The following MARCHF10 variants were observed in gnomAD, a reference collection of about 807,000 sequenced individuals.
MARCHF10 encodes the protein probable E3 ubiquitin-protein ligase MARCHF10.
In MARCHF10, 64 loss-of-function variants were observed where a neutral mutation model predicts 76.2. The observed-to-expected ratio is 0.84, with a 90% CI of 0.69 to 1.03. The LOEUF (loss-of-function observed/expected upper bound fraction) is 1.03, where lower values mean the gene tolerates loss of function less well. MARCHF10 is among the 50% of genes least tolerant of loss of function. The probability of loss-of-function intolerance (pLI) is 0.00; values close to 1 mark genes in which losing one functional copy is unlikely to be tolerated. For synonymous variants in MARCHF10, 340 were observed against 357.5 expected (o/e 0.95, Z 0.55); for missense variants, 875 against 958.0 (o/e 0.91, Z 1.14).
At position 62,762,691 on chromosome 17, in the gene MARCHF10, C is replaced by T. The variant is rs574943639; in HGVS notation, c.211-2685G>A. On this transcript the variant is annotated intron_variant, in intron 3 of 10. Coordinates refer to ENST00000311269, the MANE Select transcript of MARCHF10 (RefSeq NM_152598.4). Reference sequence around the variant, plus strand: ...CCTCCTGAGTAGCTGGGACTACAGGCACACGCACCATGCCTGGCTAATTTT... The same window carrying T: ...CCTCCTGAGTAGCTGGGACTACAGGTACACGCACCATGCCTGGCTAATTTT... Among the ~76,000 whole-genome samples, 16 of 152,286 alleles carry T rather than the reference C, an allele frequency of 1.1e-4. No individual in the cohort carries two copies. In the South Asian group the frequency reaches 2.1e-3, roughly 20 times the overall value.
At chr17:62,745,007 A>AAG (rs1209145301) in intron 4 of MARCHF10, among the ~76,000 whole-genome samples, 4 of 151,254 alleles carry the variant, frequency 2.6e-5, no homozygotes, top group Non-Finnish European at 5.9e-5. Context: ...CCATCTCAAA[A>AAG]AAAAAAAAAA....
intron 6 of MARCHF10, among the ~76,000 whole-genome samples, chr17:62,729,658 C>T (rs185667115): frequency 5.9e-5 from 9 of 151,606 alleles, no homozygotes; most frequent in Non-Finnish European, 1.3e-4. Flanking sequence ...ACTGTAGACT[C>T]GACCTTCTGG....
At chr17:62,740,981 T>C (rs756960833) in intron 5 of MARCHF10, among the ~76,000 whole-genome samples, 5 of 152,174 alleles carry the variant, frequency 3.3e-5, no homozygotes, top group Non-Finnish European at 7.3e-5. Flanking sequence ...ACATGTATAT[T>C]GTAGCTTACC....
At chr17:62,800,183 A>G (rs1487949433) in intron 2 of MARCHF10, among the ~76,000 whole-genome samples, 4 of 152,242 alleles carry the variant, frequency 2.6e-5, no homozygotes, top group Middle Eastern at 3.2e-3. Context: ...ATATTGGCTG[A>G]ATGAATGAAT....
chr17:62,705,620 C>T (rs2089537323), intron 9 of MARCHF10, 39 bp from the exon 10 acceptor site: 1 of 1,612,312 alleles, frequency 6.2e-7, no homozygotes. Context: ...ATTGTTTTTT[C>T]CAATACGATT....
chr17:62,789,016 T>C (rs1439882369), intron 2 of MARCHF10, among the ~76,000 whole-genome samples: 2 of 142,074 alleles, frequency 1.4e-5, no homozygotes, highest in Non-Finnish European at 3.0e-5. Context: ...TGAGCCGAGA[T>C]TGCGCCACTG....
intron 7 of MARCHF10, among the ~76,000 whole-genome samples, chr17:62,724,187 T>TTC (rs573511182): frequency 1.0e-4 from 5 of 48,260 alleles, no homozygotes; most frequent in African/African-American, 5.1e-4. Context: ...GTTCCATGCA[T>TTC]TTTTTTTTTT....
chr17:62,788,426 C>T, intron 3 of MARCHF10, 54 bp downstream of exon 3: 10 of 1,607,818 alleles, frequency 6.2e-6, no homozygotes, highest in Non-Finnish European at 8.5e-6. Flanking sequence ...CACACACCAC[C>T]ACCACCAGCA....
At chr17:62,757,994 C>T (rs1276226828) in intron 4 of MARCHF10, among the ~76,000 whole-genome samples, 4 of 152,152 alleles carry the variant, frequency 2.6e-5, no homozygotes, top group Non-Finnish European at 5.9e-5. Context: ...TGGATCTAAA[C>T]GGTTCCTTTT....
At chr17:62,753,465 A>G (rs1691289044) in intron 4 of MARCHF10, among the ~76,000 whole-genome samples, 1 of 152,168 alleles carries the variant, frequency 6.6e-6, no homozygotes, top group Non-Finnish European at 1.5e-5. Flanking sequence ...ATCTTCTTCA[A>G]TGCAGGTTCT....
At chr17:62,794,743 C>T (rs2092955345) in intron 2 of MARCHF10, among the ~76,000 whole-genome samples, 1 of 152,202 alleles carries the variant, frequency 6.6e-6, no homozygotes, top group African/African-American at 2.4e-5. Flanking sequence ...CCCGACTTTA[C>T]ATCTCCAGCC....
In MARCHF10 at chr17:62,743,470, C is replaced by T. The variant is rs1235235850; in HGVS notation, c.535+906G>A. Among the ~76,000 whole-genome samples the T allele has an allele frequency of 6.6e-5, 10 of 152,112 alleles. 1 individual carries two copies. The highest frequency in any genetic ancestry group is 6.6e-4 in the Admixed American group (10 of 15,264). On this transcript the variant is annotated intron_variant, in intron 5 of 10. Transcript: ENST00000311269. ...TGAGACGGGCCAACATGGTGAAACC[C>T]TGTCTCTACCAAGATACAAAAAATT...
chr17:62,778,108 T>G (rs1021435053), intron 3 of MARCHF10, among the ~76,000 whole-genome samples: 1 of 152,196 alleles, frequency 6.6e-6, no homozygotes, highest in Admixed American at 6.5e-5. Context: ...TACCCCATGG[T>G]GGGCATGAGC....
intron 3 of MARCHF10, among the ~76,000 whole-genome samples, chr17:62,784,208 G>A (rs909954194): frequency 9.2e-5 from 14 of 152,184 alleles, no homozygotes; most frequent in Admixed American, 2.6e-4. Flanking sequence ...TGGGATGCAA[G>A]GCTGGTTCAA....
chr17:62,791,336 C>T (rs2092838687), intron 2 of MARCHF10, among the ~76,000 whole-genome samples: 2 of 152,128 alleles, frequency 1.3e-5, no homozygotes, highest in Non-Finnish European at 2.9e-5. Flanking sequence ...GTATTAAAGG[C>T]AAAAGAAGAA....
At chr17:62,779,651 T>C (rs2092620461) in intron 3 of MARCHF10, among the ~76,000 whole-genome samples, 1 of 152,226 alleles carries the variant, frequency 6.6e-6, no homozygotes, top group Non-Finnish European at 1.5e-5. Flanking sequence ...CATTGTGCTA[T>C]GGATTATGCA....
chr17:62,777,720 AAAAAAAAG>A (rs1462027388), intron 3 of MARCHF10, among the ~76,000 whole-genome samples: 1 of 149,830 alleles, frequency 6.7e-6, no homozygotes, highest in Non-Finnish European at 1.5e-5. Flanking sequence ...TCTCAAAAAA[AAAAAAAAG>A]AAAAAAAAAA....
intron 3 of MARCHF10, among the ~76,000 whole-genome samples, chr17:62,785,241 T>A (rs974714900): frequency 1.3e-5 from 2 of 152,138 alleles, no homozygotes; most frequent in Non-Finnish European, 2.9e-5. Context: ...AACCATCTGA[T>A]CTTTGACAAA....
chr17:62,799,320 T>C (rs578034045), intron 2 of MARCHF10, among the ~76,000 whole-genome samples: 6 of 152,282 alleles, frequency 3.9e-5, no homozygotes. Context: ...ATAGTTTCCT[T>C]ACAAGTTTTC....
Sources: allele counts gnomAD v4.1 joint callset (sites outside exome capture counted in the v4.1 genomes callset), GRCh38; gene constraint gnomAD v4.1.1; transcripts MANE v1.5; gene names NCBI Gene and HGNC (gene_info 2026-07-23, HGNC 2026-07-21).